The following ROBO2 variants were observed in gnomAD, a reference collection of about 807,000 sequenced individuals.
ROBO2 encodes roundabout homolog 2.
A neutral mutation model predicts 160.8 loss-of-function variants in ROBO2; 53 were observed. The observed-to-expected ratio is 0.33, with a 90% CI of 0.26 to 0.41. The LOEUF (loss-of-function observed/expected upper bound fraction) is 0.41. Among genes scored for constraint, ROBO2 ranks in the 10% least tolerant of loss-of-function variants. The pLI is 1.00. For synonymous variants in ROBO2, 664 were observed against 611.7 expected, an observed-to-expected ratio of 1.09 and a Z score of -1.26; for missense variants, 1,577 against 1,722.4, an observed-to-expected ratio of 0.92 and a Z score of 1.49.
At chr3:76,322,410 A>G (rs776339381) in intron 2 of ROBO2, among the ~76,000 whole-genome samples, 4 of 151,886 alleles carry the variant, frequency 2.6e-5, no homozygotes, top group Non-Finnish European at 5.9e-5. Context: ...TAAATGTGTA[A>G]CTTGGAGCCT....
chr3:76,518,518 C>T (rs1056378146), intron 2 of ROBO2, among the ~76,000 whole-genome samples: 1 of 152,066 alleles, frequency 6.6e-6, no homozygotes, highest in African/African-American at 2.4e-5. Context: ...ATTTTTCACT[C>T]ACTTCTTATT....
chr3:77,267,530 A>G (rs536668734), intron 2 of ROBO2, among the ~76,000 whole-genome samples: 121 of 152,288 alleles, frequency 7.9e-4, no homozygotes, highest in Non-Finnish European at 1.5e-3. Flanking sequence ...TTGAAAGAAT[A>G]AGGGTGCTTG....
chr3:77,192,049 CTCTT>C (rs750460569), intron 2 of ROBO2, among the ~76,000 whole-genome samples: 51 of 152,218 alleles, frequency 3.4e-4, no homozygotes, highest in Non-Finnish European at 7.2e-4. Flanking sequence ...GGATGGCAAA[CTCTT>C]TATTGAGAAA....
At chr3:76,707,731 G>GTGTATATATATATATATA (rs376823667) in intron 2 of ROBO2, among the ~76,000 whole-genome samples, 1,492 of 133,402 alleles carry the variant, frequency 0.011, 9 homozygotes, top group Non-Finnish European at 0.013. Flanking sequence ...ACATGTGTGT[G>GTGTATATATATATATATA]TATATATATA....
intron 2 of ROBO2, among the ~76,000 whole-genome samples, chr3:77,427,702 G>T (rs958080842): frequency 3.3e-5 from 5 of 152,158 alleles, no homozygotes; most frequent in African/African-American, 1.2e-4. Flanking sequence ...CAAGTGCAAG[G>T]CTTGCAGTTT....
chr3:76,428,800 G>A (rs1006443433), intron 2 of ROBO2, among the ~76,000 whole-genome samples: 7 of 152,106 alleles, frequency 4.6e-5, no homozygotes, highest in African/African-American at 1.7e-4. Context: ...GTGATAACAC[G>A]AGAAGCGTCA....
chr3:77,608,795 A>T (rs1464714722), intron 21 of ROBO2, among the ~76,000 whole-genome samples: 2 of 152,032 alleles, frequency 1.3e-5, no homozygotes, highest in Non-Finnish European at 2.9e-5. Context: ...GAAAAAAAGC[A>T]GTTTTTCTTT....
intron 6 of ROBO2, among the ~76,000 whole-genome samples, chr3:77,526,236 C>A (rs138562904): frequency 6.6e-6 from 1 of 151,444 alleles, no homozygotes; most frequent in Non-Finnish European, 1.5e-5. Context: ...AAGACCATGG[C>A]TCTCATAGAG....
chr3:76,388,832 C>T (rs929728165), intron 2 of ROBO2, among the ~76,000 whole-genome samples: 46 of 151,892 alleles, frequency 3.0e-4, no homozygotes, highest in Admixed American at 3.0e-3. Flanking sequence ...TTGTTTTATG[C>T]TTATAGATAT....
At chr3:77,213,985 T>A (rs1405373743) in intron 2 of ROBO2, among the ~76,000 whole-genome samples, 9 of 152,086 alleles carry the variant, frequency 5.9e-5, no homozygotes, top group African/African-American at 1.9e-4. Context: ...TGCTGAGGAG[T>A]GCTTTACTTC....
At position 76,834,075 on chromosome 3, in the gene ROBO2, TTTC is replaced by T. The variant is rs1374805861; in HGVS notation, c.110-263936_110-263934del. Among the ~76,000 whole-genome samples the T allele has an allele frequency of 1.3e-3, 178 of 132,526 alleles. 1 individual carries two copies. Among genetic ancestry groups the T allele is most frequent in the African/African-American group, 3.8e-3 (134 of 35,572 alleles). The allele number at this position is 132,526 out of a possible 152,430, so 86.9% of individuals were successfully genotyped here. ...CTCCTTTCTTTCTTTTCTTTCTTTCTTTCTTTCTTTCTTTCTTTCTTTCTTTCT... is the reference window on the plus strand; with the variant it reads ...CTCCTTTCTTTCTTTTCTTTCTTTCTTTTCTTTCTTTCTTTCTTTCTTTCT... On this transcript the variant is annotated intron_variant, in intron 2 of 26. Coordinates refer to the ROBO2 transcript ENST00000487694.
At chr3:76,522,267 A>G (rs1397703843) in intron 2 of ROBO2, among the ~76,000 whole-genome samples, 1 of 152,136 alleles carries the variant, frequency 6.6e-6, no homozygotes, top group East Asian at 1.9e-4. Context: ...TATTCTCTAC[A>G]ACTCATTGTG....
intron 1 of ROBO2, among the ~76,000 whole-genome samples, chr3:75,911,092 AGCTTAGT>A (rs1302464777): frequency 6.6e-6 from 1 of 152,086 alleles, no homozygotes; most frequent in Non-Finnish European, 1.5e-5. Context: ...TGGAGCTAAC[AGCTTAGT>A]GTGATATATA....
intron 2 of ROBO2, among the ~76,000 whole-genome samples, chr3:77,195,367 A>AT (rs771527854): frequency 1.3e-5 from 2 of 152,268 alleles, no homozygotes; most frequent in South Asian, 2.1e-4. Context: ...TGATGTAAAC[A>AT]TTTTTCAAAG....
At chr3:76,485,584 G>A (rs1218499475) in intron 2 of ROBO2, among the ~76,000 whole-genome samples, 1 of 152,148 alleles carries the variant, frequency 6.6e-6, no homozygotes, top group African/African-American at 2.4e-5. Context: ...AATGTGGAAA[G>A]ACCTTTGCCT....
In ROBO2 at chr3:76,272,936, AAATATATAAAATATATAATATATAT is replaced by A. The variant is rs1175877964; in HGVS notation, c.109+335335_109+335359del. Among the ~76,000 whole-genome samples, 26 of 5,228 alleles carry A rather than the reference AAATATATAAAATATATAATATATAT, an allele frequency of 5.0e-3. 1 individual carries two copies. Among genetic ancestry groups the A allele is most frequent in the Non-Finnish European group, 0.018 (6 of 334 alleles). The allele number at this position is 5,228 out of a possible 152,430, so 3.4% of individuals were successfully genotyped here. A position where few individuals can be genotyped will look rare whatever the true frequency, so the allele number is the denominator to read the frequency against. On this transcript the variant is annotated intron_variant, in intron 2 of 26. Coordinates refer to the ROBO2 transcript ENST00000487694. ...ATATAAAATATATATATTTATATAT[AAATATATAAAATATATAATATATAT>A]TTATATATAAAATATATATAATATA...
chr3:76,360,279 T>G (rs1466874121), intron 2 of ROBO2, among the ~76,000 whole-genome samples: 3 of 152,070 alleles, frequency 2.0e-5, no homozygotes, highest in Non-Finnish European at 1.5e-5. Flanking sequence ...AAACAATAAG[T>G]TTCCCTTTAT....
upstream of ROBO2, among the ~76,000 whole-genome samples, chr3:77,037,440 GGTAAA>G (rs533222016): frequency 9.2e-5 from 14 of 152,146 alleles, no homozygotes; most frequent in East Asian, 2.7e-3. Context: ...ACTTTTAATA[GGTAAA>G]GTAGTTAAGA....
chr3:77,277,305 T>G, intron 2 of ROBO2, among the ~76,000 whole-genome samples: 1 of 151,722 alleles, frequency 6.6e-6, no homozygotes, highest in Non-Finnish European at 1.5e-5. Flanking sequence ...CTTCAACTAT[T>G]ATTTTAAGTT....
Sources: gnomAD v4.1 joint callset for allele counts (sites outside exome capture counted in the v4.1 genomes callset) on GRCh38, gnomAD v4.1.1 for gene constraint, MANE v1.5 for transcripts, NCBI Gene and HGNC (gene_info 2026-07-23, HGNC 2026-07-21) for gene names.